The following PRR14L variants were observed in gnomAD, a reference collection of about 807,000 sequenced individuals.
PRR14L encodes the protein proline rich 14 like, also known as protein PRR14L.
A neutral mutation model predicts 155.0 loss-of-function variants in PRR14L; 80 were observed. The ratio of observed to expected loss-of-function variants is 0.52; its 90% CI spans 0.43 to 0.62. The LOEUF (loss-of-function observed/expected upper bound fraction) is 0.62. PRR14L is among the 20% of genes least tolerant of loss of function. PRR14L has a pLI of 0.00. For missense variants in PRR14L, 2,469 were observed against 2,548.0 expected, an observed-to-expected ratio of 0.97 and a Z score of 0.67; for synonymous variants, 883 against 916.0, an observed-to-expected ratio of 0.96 and a Z score of 0.65.
At chr22:31,735,642 GAAA>G (rs11443259) in intron 2 of PRR14L, among the ~76,000 whole-genome samples, 2 of 130,436 alleles carry the variant, frequency 1.5e-5, no homozygotes, top group Non-Finnish European at 1.7e-5. Flanking sequence ...CCCTAAATTG[GAAA>G]AAAAAAAAAA....
intron 2 of PRR14L, among the ~76,000 whole-genome samples, chr22:31,732,224 T>C (rs2074754222): frequency 6.6e-6 from 1 of 152,224 alleles, no homozygotes; most frequent in Non-Finnish European, 1.5e-5. Flanking sequence ...TGATTTGCAT[T>C]TTTTACTTAA....
rs1054512069 is a variant in PRR14L, at chr22:31,715,320, T to C, written c.2519A>G (p.His840Arg). ...HRDHCCQGTG[H>R]SVEKSSCKVS... ...TTTACAGCTGCTTTTTTCCACAGAG[T>C]GTCCTGTTCCTTGGCAGCAGTGATC... The change falls in exon 4 of 9, where the codon CAC becomes CGC. Residue 840 changes from histidine (H) to arginine (R), a missense_variant. By Grantham distance (29) the His-to-Arg change is conservative. Around this residue, in one of 2 missense-constraint regions of PRR14L, gnomAD observed 2,363 missense variants for 2,371.6 expected, o/e 1.00. Transcript: ENST00000327423. The C allele has an allele frequency of 9.0e-6, 14 of 1,551,952 alleles. No homozygotes were observed. The highest frequency in any genetic ancestry group is 1.7e-4 in the Middle Eastern group (1 of 6,016).
chr22:31,730,450 GA>G (rs957019794), intron 2 of PRR14L, among the ~76,000 whole-genome samples: 3 of 147,748 alleles, frequency 2.0e-5, no homozygotes, highest in Non-Finnish European at 3.0e-5. Flanking sequence ...TCTCAAAAAA[GA>G]AAAAAAAAAG....
intron 7 of PRR14L, among the ~76,000 whole-genome samples, chr22:31,696,956 A>C (rs941419488): frequency 6.6e-6 from 1 of 152,132 alleles, no homozygotes; most frequent in East Asian, 1.9e-4. Flanking sequence ...CTCTACTAAA[A>C]ATACAAAAAT....
intron 3 of PRR14L, among the ~76,000 whole-genome samples, chr22:31,723,587 T>C (rs979322026): frequency 1.6e-4 from 24 of 152,126 alleles, no homozygotes; most frequent in African/African-American, 5.8e-4. Flanking sequence ...CTAAACTGTA[T>C]CCCTAGTAAG....
At chr22:31,721,612 A>C (rs114664526) in intron 3 of PRR14L, among the ~76,000 whole-genome samples, 2,248 of 152,134 alleles carry the variant, frequency 0.015, 54 homozygotes, top group African/African-American at 0.052. Flanking sequence ...CTAATTGAGC[A>C]GCAGCAAGCA....
intron 2 of PRR14L, among the ~76,000 whole-genome samples, chr22:31,730,964 A>G (rs1034041297): frequency 6.6e-6 from 1 of 152,116 alleles, no homozygotes; most frequent in Non-Finnish European, 1.5e-5. Context: ...CATCACTATC[A>G]TTTATTTTAA....
At position 31,685,599 on chromosome 22, in the gene PRR14L, C is replaced by T; in HGVS notation, c.6384G>A (p.Leu2128=). 6.4e-7 allele frequency: 1 copy of T among 1,552,034 alleles called. No homozygotes were observed. Residue 2128 remains leucine (L), a synonymous_variant, in exon 9 of 9, where the codon TTG becomes TTA. Transcript: ENST00000327423. ...TCTCCAGTTCCATTAGTTTCTGTATCAAAAGAGCATCCAGCTCTCGACTCT... is the reference window on the plus strand; with the variant it reads ...TCTCCAGTTCCATTAGTTTCTGTATTAAAAGAGCATCCAGCTCTCGACTCT... The part of the protein sequence containing the change: ...AVQSRELDAL[L]IQKLMELETF...
rs949907868 is a variant in PRR14L, at chr22:31,717,422, A to G, written c.548-131T>C. The G allele has an allele frequency of 1.6e-5, 11 of 694,356 alleles. No individual in the cohort carries two copies. In the East Asian group the frequency reaches 3.0e-4, roughly 19 times the overall value. The allele number at this position is 694,356 out of a possible 1,614,324, so 43.0% of individuals were successfully genotyped here. ...AACTCAAAAAGAAAACTGGAAAGTTAGCATGCTATACCATTGATTTTGTTC... is the reference window on the plus strand; with the variant it reads ...AACTCAAAAAGAAAACTGGAAAGTTGGCATGCTATACCATTGATTTTGTTC... On this transcript the variant is annotated intron_variant, in intron 3 of 8. Transcript: ENST00000327423.
In PRR14L at chr22:31,697,812, CAG is replaced by C. The variant is rs1380909692; in HGVS notation, c.6107+3842_6107+3843del. Among the ~76,000 whole-genome samples the C allele has an allele frequency of 3.3e-5, 5 of 152,236 alleles. No homozygotes were observed. In the East Asian group the frequency reaches 9.7e-4, roughly 29 times the overall value. On this transcript the variant is annotated intron_variant, in intron 7 of 8. Transcript: ENST00000327423. ...GCCCAGGAAGTTGAAGTTGAAGCTG[CAG>C]TGAGCCATGATCATGCGTCTACACT...
chr22:31,700,302 G>C (rs1163958667), intron 7 of PRR14L, among the ~76,000 whole-genome samples: 1 of 152,154 alleles, frequency 6.6e-6, no homozygotes, highest in African/African-American at 2.4e-5. Flanking sequence ...GAATAGAACT[G>C]ATAATGAATC....
chr22:31,743,644 T>C (rs1245135894), intron 1 of PRR14L, among the ~76,000 whole-genome samples: 2 of 151,612 alleles, frequency 1.3e-5, no homozygotes, highest in Admixed American at 6.6e-5. Flanking sequence ...CTACTAAAAA[T>C]CCAAAAAATT....
Position 31,738,599 on chromosome 22 carries a change from C to T in PRR14L, c.262G>A (p.Glu88Lys), listed in dbSNP as rs1000904556. 2 of 1,552,090 alleles carry T rather than the reference C, an allele frequency of 1.3e-6. No individual in the cohort carries two copies. The highest frequency in any genetic ancestry group is 1.7e-6 in the Non-Finnish European group (2 of 1,147,088). The change falls in exon 2 of 9, where the codon GAG (glutamate) becomes AAG (lysine). Residue 88 changes from glutamate to lysine, a missense_variant. Around this residue, in one of 2 missense-constraint regions of PRR14L, gnomAD observed 2,363 missense variants for 2,371.6 expected, o/e 1.00. Transcript: ENST00000327423. The stretch of plus-strand genomic sequence containing the variant: ...TCCACTAGCCCACATCGCCCAGGCT[C>T]ACTCCCATGATCCAAGGTCTCATAG... ...ETYETLDHGS[E>K]PGRCGLVDST...
Position 31,716,272 on chromosome 22 carries a change from G to A in PRR14L, c.1567C>T (p.Gln523Ter). Residue 523 changes from glutamine (Q) to a stop codon, truncating the protein, a stop_gained, in exon 4 of 9, where the codon CAG becomes TAG. Transcript: ENST00000327423. LOFTEE classifies it high-confidence loss of function. ...SSLMQIEEAGQTTPVEPNILS... is the reference protein window; with the variant it reads ...SSLMQIEEAG The stretch of plus-strand genomic sequence containing the variant: ...ATATTGGGCTCTACAGGGGTTGTCT[G>A]TCCTGCCTCTTCAATCTGCATCAAG... 6.4e-7 allele frequency: 1 copy of A among 1,551,622 alleles called. No individual in the cohort carries two copies. The highest frequency in any genetic ancestry group is 8.7e-7 in the Non-Finnish European group (1 of 1,146,936).
intron 2 of PRR14L, among the ~76,000 whole-genome samples, chr22:31,731,706 CT>C (rs1330580627): frequency 6.6e-6 from 1 of 150,928 alleles, no homozygotes; most frequent in Non-Finnish European, 1.5e-5. Flanking sequence ...CATATATTTA[CT>C]TATTTCCCCA....
chr22:31,704,324 C>T (rs2074578442), intron 5 of PRR14L: 1 of 188,044 alleles, frequency 5.3e-6, no homozygotes, highest in African/African-American at 2.3e-5. Context: ...CACAAATGAA[C>T]AGTACTCAGA....
Position 31,713,614 on chromosome 22 carries a change from G to C in PRR14L, c.4225C>G (p.Gln1409Glu), listed in dbSNP as rs775886080. ...LQKEEKYIRQ[Q>E]KAHTISQQCI... ...TGTTGCGATATCGTATGTGCTTTTTGTTGACGTATATATTTCTCTTCTTTC... is the reference window on the plus strand; with the variant it reads ...TGTTGCGATATCGTATGTGCTTTTTCTTGACGTATATATTTCTCTTCTTTC... Residue 1409 changes from glutamine to glutamate, a missense_variant, in exon 4 of 9, where the codon CAA (glutamine) becomes GAA (glutamate). Coordinates refer to ENST00000327423, the MANE Select transcript of PRR14L (RefSeq NM_173566.3). The C allele has an allele frequency of 6.4e-7, 1 of 1,551,808 alleles. No homozygotes were observed. The highest frequency in any genetic ancestry group is 1.2e-5 in the South Asian group (1 of 84,056).
intron 2 of PRR14L, among the ~76,000 whole-genome samples, chr22:31,737,625 T>TAAA (rs34079863): frequency 7.0e-6 from 1 of 142,160 alleles, no homozygotes; most frequent in South Asian, 2.2e-4. Context: ...CTGCCTCTAT[T>TAAA]AAAAAAAAAA....
At chr22:31,707,872 G>A (rs976845713) in intron 4 of PRR14L, among the ~76,000 whole-genome samples, 7 of 152,118 alleles carry the variant, frequency 4.6e-5, no homozygotes, top group African/African-American at 7.2e-5. Flanking sequence ...TCTAAAGGCC[G>A]GGCGCGGTGG....
Sources: gnomAD v4.1 joint callset for allele counts (sites outside exome capture counted in the v4.1 genomes callset) on GRCh38, gnomAD v4.1.1 for gene constraint, gnomAD v4.1.1 regional missense constraint, MANE v1.5 for transcripts, NCBI Gene and HGNC (gene_info 2026-07-23, HGNC 2026-07-21) for gene names.